SPTBN2: variants seen among roughly 807,000 people sequenced by gnomAD.
The protein encoded by SPTBN2 is spectrin beta, non-erythrocytic 2, also known as spectrin beta chain, non-erythrocytic 2.
SPTBN2 carries 107 observed loss-of-function variants against 284.2 expected under a neutral mutation model. The observed-to-expected ratio is 0.38, with a 90% CI of 0.32 to 0.44. The LOEUF is 0.44. Among genes scored for constraint, SPTBN2 ranks in the 20% least tolerant of loss-of-function variants. The pLI, the probability that SPTBN2 is intolerant of heterozygous loss-of-function variation, is 1.00. For missense variants in SPTBN2, 2,569 were observed against 3,287.1 expected (o/e 0.78, Z 5.34); for synonymous variants, 1,289 against 1,354.8 (o/e 0.95, Z 1.07).
At chr11:66,720,955 T>G (rs1220129609) in intron 3 of SPTBN2, 129 bp downstream of exon 3, 2 of 1,277,918 alleles carry the variant, frequency 1.6e-6, no homozygotes, top group African/African-American at 3.0e-5. Context: ...ACCAGGGAAT[T>G]GATAGAGTGC....
intron 1 of SPTBN2, among the ~76,000 whole-genome samples, chr11:66,722,772 A>G (rs1942477400): frequency 6.6e-6 from 1 of 151,548 alleles, no homozygotes. Flanking sequence ...ACACGACTGT[A>G]GTCCTAGCTA....
chr11:66,694,930 A>G (rs1940823513), intron 21 of SPTBN2, among the ~76,000 whole-genome samples: 1 of 152,352 alleles, frequency 6.6e-6, no homozygotes, highest in East Asian at 1.9e-4. Flanking sequence ...AACTGTCCAC[A>G]GTGCGCAAGA....
intron 36 of SPTBN2, 183 bp from the exon 37 acceptor site, chr11:66,686,623 TGACTGGCCCCA>T: frequency 2.8e-6 from 2 of 714,290 alleles, no homozygotes; most frequent in Admixed American, 4.6e-5. Flanking sequence ...ACATCCTTTC[TGACTGGCCCCA>T]GAGGCAGGGG....
chr11:66,741,633 G>A (rs973308493), intron 1 of SPTBN2, among the ~76,000 whole-genome samples: 18 of 152,206 alleles, frequency 1.2e-4, no homozygotes, highest in African/African-American at 3.6e-4. Context: ...TGAAAATATC[G>A]AGAGCCATAC....
intron 36 of SPTBN2, chr11:66,686,730 C>T: frequency 1.6e-6 from 1 of 635,334 alleles, no homozygotes; most frequent in Non-Finnish European, 2.7e-6. Context: ...TTCCCAGATC[C>T]CTACCTTTGG....
In SPTBN2 at chr11:66,704,587, G is replaced by T. The variant is rs1941419418; in HGVS notation, c.2678+11C>A. ...CCAAGGCTGGTCCCACTAGGAGCCTGAGGGGCCTACCTCTGCTGCACGACC... is the reference window on the plus strand; with the variant it reads ...CCAAGGCTGGTCCCACTAGGAGCCTTAGGGGCCTACCTCTGCTGCACGACC... On this transcript the variant is annotated intron_variant, in intron 15 of 37. Coordinates refer to ENST00000533211, the MANE Select transcript of SPTBN2 (RefSeq NM_006946.4). 6.2e-7 allele frequency: 1 copy of T among 1,608,546 alleles called. No individual in the cohort carries two copies.
Position 66,693,042 on chromosome 11 carries a change from G to C in SPTBN2, c.4913C>G (p.Ala1638Gly), listed in dbSNP as rs1210567179. The change falls in exon 25 of 38, where the codon GCC becomes GGC. Residue 1638 changes from alanine to glycine, a missense_variant. Ala to Gly is a moderately conservative substitution (Grantham distance 60, BLOSUM62 0). Transcript: ENST00000533211. The surrounding 1 kb of genome is among the most constrained non-coding windows in gnomAD (Gnocchi z 5.7). ...CTGGTGGATGGTCTGCGCGTAGTCGGCCAGGGCTTGCTCCAGCACCTGGTG... is the reference window on the plus strand; with the variant it reads ...CTGGTGGATGGTCTGCGCGTAGTCGCCCAGGGCTTGCTCCAGCACCTGGTG... ...KKHQVLEQAL[A>G]DYAQTIHQLA... 6 of 1,613,610 alleles carry C rather than the reference G, an allele frequency of 3.7e-6. No homozygotes were observed. The highest frequency in any genetic ancestry group is 2.2e-5 in the East Asian group (1 of 44,884).
At position 66,685,418 on chromosome 11, in the gene SPTBN2, A is replaced by C. The variant is rs1758179011; in HGVS notation, c.*453T>G. 5.1e-6 allele frequency: 1 copy of C among 197,814 alleles called. No homozygotes were observed. The highest frequency in any genetic ancestry group is 2.3e-5 in the African/African-American group (1 of 42,624). The allele number at this position is 197,814 out of a possible 1,614,324, so 12.3% of individuals were successfully genotyped here. A position where few individuals can be genotyped will look rare whatever the true frequency, so the allele number is the denominator to read the frequency against. The stretch of plus-strand genomic sequence containing the variant: ...CCTGCGCCTCTGACTGTCATCTGGC[A>C]CTTCTGCCCCCAGGGCCTGCTTCAG... On this transcript the variant is annotated 3_prime_UTR_variant, in exon 38 of 38. Transcript: ENST00000533211. This position sits in a 1 kb window ranked among gnomAD's most constrained non-coding sequence, Gnocchi z 4.4.
In SPTBN2 at chr11:66,687,943, G is replaced by C; in HGVS notation, c.6451-25C>G. 1 of 1,614,230 alleles carries C rather than the reference G, an allele frequency of 6.2e-7. No individual in the cohort carries two copies. Among genetic ancestry groups the C allele is most frequent in the Non-Finnish European group, 8.5e-7 (1 of 1,180,034 alleles). On this transcript the variant is annotated intron_variant, in intron 33 of 37. Transcript: ENST00000533211. The surrounding 1 kb of genome is among the most constrained non-coding windows in gnomAD (Gnocchi z 5.2). ...GCTGCAAGGACAAGAATCTGTAAAA[G>C]GATGTGCGGGGGTGGAGGGGCTACG...
intron 15 of SPTBN2, among the ~76,000 whole-genome samples, chr11:66,702,091 G>A (rs1014467150): frequency 6.6e-6 from 1 of 152,214 alleles, no homozygotes; most frequent in Non-Finnish European, 1.5e-5. Context: ...CCACTAATAT[G>A]TGTTAGAAAA....
chr11:66,710,940 C>T lies in SPTBN2; in HGVS notation c.862G>A (p.Val288Met), dbSNP rs772181504. The change falls in exon 9 of 38, where the codon GTG becomes ATG. Residue 288 changes from valine (V) to methionine (M), a missense_variant. Transcript: ENST00000533211. The surrounding 1 kb of genome is among the most constrained non-coding windows in gnomAD (Gnocchi z 4.9). Reference sequence around the variant, plus strand: ...ACCTTGCCAATTCTCTTGCCTTCCACGGCCAGGGCCTTCATCTTGGAGAAG... The same window carrying T: ...ACCTTGCCAATTCTCTTGCCTTCCATGGCCAGGGCCTTCATCTTGGAGAAG... ...HYFSKMKALA[V>M]EGKRIGKVLD... 3.1e-6 allele frequency: 5 copies of T among 1,614,236 alleles called. No homozygotes were observed. The highest frequency in any genetic ancestry group is 1.6e-4 in the Middle Eastern group (1 of 6,062).
chr11:66,686,320 G>C, intron 37 of SPTBN2, 78 bp downstream of exon 37: 1 of 1,575,822 alleles, frequency 6.3e-7, no homozygotes, highest in Non-Finnish European at 8.7e-7. Flanking sequence ...AAAGAGGGAG[G>C]ACAGGGAAAG....
chr11:66,726,419 C>T (rs1468241900), intron 1 of SPTBN2, among the ~76,000 whole-genome samples: 1 of 152,186 alleles, frequency 6.6e-6, no homozygotes, highest in Non-Finnish European at 1.5e-5. Context: ...CTAACCTGTT[C>T]CCGGGTGACA....
chr11:66,715,522 C>T lies in SPTBN2; in HGVS notation c.310-127G>A. The T allele has an allele frequency of 7.6e-7, 1 of 1,316,230 alleles. No homozygotes were observed. The highest frequency in any genetic ancestry group is 1.5e-5 in the South Asian group (1 of 67,626). The allele number at this position is 1,316,230 out of a possible 1,614,324, so 81.5% of individuals were successfully genotyped here. A position where few individuals can be genotyped will look rare whatever the true frequency, so the allele number is the denominator to read the frequency against. On this transcript the variant is annotated intron_variant, in intron 4 of 37. Transcript: ENST00000533211. The surrounding 1 kb of genome is among the most constrained non-coding windows in gnomAD (Gnocchi z 5.3). ...TCAGGAACACAGACAGGCACAGCCCCAGGGCTGGAGCCAAAGCTGAGCTTA... is the reference window on the plus strand; with the variant it reads ...TCAGGAACACAGACAGGCACAGCCCTAGGGCTGGAGCCAAAGCTGAGCTTA...
In SPTBN2 at chr11:66,693,595, C is replaced by T. The variant is rs953354932; in HGVS notation, c.4594-149G>A. ...GGGGTGCGATGGTAACACCCGTCAG[C>T]CGCCCAGCCCCCACTATCTCCTACT... On this transcript the variant is annotated intron_variant, in intron 23 of 37. Transcript: ENST00000533211. The surrounding 1 kb of genome is among the most constrained non-coding windows in gnomAD (Gnocchi z 5.7). 2 of 1,399,038 alleles carry T rather than the reference C, an allele frequency of 1.4e-6. No homozygotes were observed. The highest frequency in any genetic ancestry group is 4.0e-5 in the Admixed American group (2 of 50,106). The allele number at this position is 1,399,038 out of a possible 1,614,324, so 86.7% of individuals were successfully genotyped here. A position where few individuals can be genotyped will look rare whatever the true frequency, so the allele number is the denominator to read the frequency against.
chr11:66,728,345 G>GGGCGCGTGGCGGCGGCGC (rs1358872588), intron 1 of SPTBN2: 2 of 145,600 alleles, frequency 1.4e-5, no homozygotes, highest in Non-Finnish European at 3.1e-5. Context: ...GGCGGCGGCG[G>GGGCGCGTGGCGGCGGCGC]GGCGCGTGGC....
At chr11:66,728,036 C>T (rs1296517622) in intron 1 of SPTBN2, 6 of 149,710 alleles carry the variant, frequency 4.0e-5, no homozygotes, top group Non-Finnish European at 7.5e-5. Context: ...CTGCTCCCGC[C>T]CCGGCTCACC....
At chr11:66,714,644 G>T (rs948486047) in intron 5 of SPTBN2, among the ~76,000 whole-genome samples, 1 of 152,194 alleles carries the variant, frequency 6.6e-6, no homozygotes, top group African/African-American at 2.4e-5. Flanking sequence ...GAGGGTGCTG[G>T]TCCCTCCAGG....
At chr11:66,699,694 G>A (rs1441130475) in intron 17 of SPTBN2, 86 bp from the exon 18 acceptor site, 20 of 1,362,850 alleles carry the variant, frequency 1.5e-5, no homozygotes, top group Non-Finnish European at 2.0e-5. Flanking sequence ...AAATCTGAGA[G>A]GTAGGGACCA....
Sources: allele counts gnomAD v4.1 joint callset (sites outside exome capture counted in the v4.1 genomes callset), GRCh38; gene constraint gnomAD v4.1.1; non-coding constraint Gnocchi (gnomAD v3.1); transcripts MANE v1.5; gene names NCBI Gene and HGNC (gene_info 2026-07-23, HGNC 2026-07-21).